The following CLYBL variants were observed in gnomAD, a reference collection of about 807,000 sequenced individuals.
CLYBL encodes citramalyl-CoA lyase, also known as citramalyl-CoA lyase, mitochondrial.
In CLYBL, 31 loss-of-function variants were observed where a neutral mutation model predicts 38.9. That is an observed-to-expected ratio of 0.80 (90% CI 0.60 to 1.08). CLYBL has a LOEUF of 1.08. Among genes scored for constraint, CLYBL ranks in the 50% least tolerant of loss-of-function variants. CLYBL has a pLI of 0.00. For synonymous variants in CLYBL, 171 were observed against 158.6 expected, an observed-to-expected ratio of 1.08 and a Z score of -0.59; for missense variants, 434 against 411.6, an observed-to-expected ratio of 1.05 and a Z score of -0.47.
intron 2 of CLYBL, among the ~76,000 whole-genome samples, chr13:99,804,571 G>A (rs1047423881): frequency 5.3e-5 from 8 of 152,056 alleles, no homozygotes; most frequent in African/African-American, 1.4e-4. Context: ...GAAGCGAAAG[G>A]CTCCCTGCCC....
chr13:99,634,951 C>T lies in CLYBL; in HGVS notation c.62+28194C>T, dbSNP rs546878642. 4.6e-5 allele frequency among the ~76,000 whole-genome samples: 7 copies of T among 152,248 alleles called. No individual in the cohort carries two copies. The East Asian group carries it at 7.8e-4, about 17-fold the overall frequency. On this transcript the variant is annotated intron_variant, in intron 1 of 8. Coordinates refer to ENST00000339105, the MANE Select transcript of CLYBL (RefSeq NM_206808.5). ...ATCCCCAGACGTCCCTGCTCATTCC[C>T]GGAGCGGCAGCTCCAGGAAGGCACA... is the stretch of plus-strand genomic sequence containing the variant.
intron 1 of CLYBL, among the ~76,000 whole-genome samples, chr13:99,726,999 A>G (rs1172528711): frequency 6.6e-6 from 1 of 152,082 alleles, no homozygotes; most frequent in South Asian, 2.1e-4. Context: ...TCTCTACTCA[A>G]AGTTCAAAAA....
At chr13:99,828,983 G>A (rs771259255) in intron 2 of CLYBL, among the ~76,000 whole-genome samples, 1 of 152,104 alleles carries the variant, frequency 6.6e-6, no homozygotes, top group East Asian at 1.9e-4. Context: ...ATGAACCCAC[G>A]GGATGTACTC....
intron 1 of CLYBL, among the ~76,000 whole-genome samples, chr13:99,761,155 C>T (rs998638749): frequency 1.3e-5 from 2 of 152,148 alleles, no homozygotes; most frequent in African/African-American, 2.4e-5. Flanking sequence ...AGATCAAGAC[C>T]ATCCTGGCTA....
chr13:99,849,019 A>G lies in CLYBL; in HGVS notation c.250-9842A>G, dbSNP rs555142595. Among the ~76,000 whole-genome samples, 1 of 152,114 alleles carries G rather than the reference A, an allele frequency of 6.6e-6. No individual in the cohort carries two copies. The highest frequency in any genetic ancestry group is 2.1e-4 in the South Asian group (1 of 4,812). On this transcript the variant is annotated intron_variant, in intron 2 of 8. Coordinates refer to ENST00000339105, the MANE Select transcript of CLYBL (RefSeq NM_206808.5). The surrounding 1 kb of genome is among the most constrained non-coding windows in gnomAD (Gnocchi z 4.9). ...CTGGGCGTGGTGGCAGTCACATGTAATCCCAGCTACTTGGGAGGCTGAGGC... is the reference window on the plus strand; with the variant it reads ...CTGGGCGTGGTGGCAGTCACATGTAGTCCCAGCTACTTGGGAGGCTGAGGC...
intron 2 of CLYBL, among the ~76,000 whole-genome samples, chr13:99,854,226 A>G (rs1343458423): frequency 2.0e-5 from 3 of 152,094 alleles, no homozygotes; most frequent in Non-Finnish European, 4.4e-5. Context: ...AAACAACTAT[A>G]CATTAACATT....
chr13:99,826,924 T>C (rs1773769143), intron 2 of CLYBL, among the ~76,000 whole-genome samples: 1 of 152,180 alleles, frequency 6.6e-6, no homozygotes, highest in African/African-American at 2.4e-5. Context: ...TAGGTGTCAA[T>C]GAAGGTGTCT....
At chr13:99,666,028 G>T (rs762806566) in intron 1 of CLYBL, among the ~76,000 whole-genome samples, 4 of 152,130 alleles carry the variant, frequency 2.6e-5, no homozygotes, top group Non-Finnish European at 5.9e-5. Flanking sequence ...CTTTACTGAG[G>T]GTTTCACTTG....
intron 1 of CLYBL, among the ~76,000 whole-genome samples, chr13:99,740,028 C>CT (rs1346884271): frequency 6.6e-6 from 1 of 152,106 alleles, no homozygotes; most frequent in East Asian, 1.9e-4. Flanking sequence ...TGAACAAAGA[C>CT]TATCATATCT....
intron 2 of CLYBL, among the ~76,000 whole-genome samples, chr13:99,855,148 C>T (rs1362835402): frequency 6.6e-6 from 1 of 151,286 alleles, no homozygotes; most frequent in African/African-American, 2.4e-5. Context: ...TCAGTCATTT[C>T]CAGCTTGTCA....
At chr13:99,809,832 C>T (rs1261181411) in intron 2 of CLYBL, among the ~76,000 whole-genome samples, 1 of 152,144 alleles carries the variant, frequency 6.6e-6, no homozygotes, top group Non-Finnish European at 1.5e-5. Context: ...GAAGACATGC[C>T]AGTCTGCCAG....
intron 3 of CLYBL, 141 bp from the exon 4 acceptor site, chr13:99,862,850 T>C (rs1411945632): frequency 2.3e-6 from 1 of 433,252 alleles, no homozygotes; most frequent in Non-Finnish European, 4.1e-6. Context: ...TCTTATTTTT[T>C]TAAAAAAATT....
chr13:99,743,558 C>A (rs1047953243), intron 1 of CLYBL, among the ~76,000 whole-genome samples: 1 of 152,106 alleles, frequency 6.6e-6, no homozygotes, highest in Non-Finnish European at 1.5e-5. Context: ...AAAATGTAGG[C>A]GCCATAACTG....
intron 1 of CLYBL, among the ~76,000 whole-genome samples, chr13:99,642,581 A>G (rs1016872984): frequency 5.3e-5 from 8 of 151,152 alleles, no homozygotes; most frequent in African/African-American, 1.9e-4. Context: ...GGCCTGGCTC[A>G]TTTTTTAATT....
intron 1 of CLYBL, among the ~76,000 whole-genome samples, chr13:99,659,359 C>G (rs2047377014): frequency 6.6e-6 from 1 of 152,126 alleles, no homozygotes; most frequent in South Asian, 2.1e-4. Context: ...TTCAAAAGTT[C>G]CGTTAAGTGG....
chr13:99,710,750 C>T (rs2048217231), intron 1 of CLYBL, among the ~76,000 whole-genome samples: 1 of 152,136 alleles, frequency 6.6e-6, no homozygotes, highest in African/African-American at 2.4e-5. Context: ...TTGTGGAATT[C>T]TTACCCATAG....
intron 7 of CLYBL, among the ~76,000 whole-genome samples, chr13:99,887,296 T>C (rs568222241): frequency 6.6e-6 from 1 of 152,202 alleles, no homozygotes; most frequent in African/African-American, 2.4e-5. Context: ...AGAACCCTTT[T>C]CAATCACCAG....
chr13:99,793,655 T>C (rs563031168), intron 2 of CLYBL, among the ~76,000 whole-genome samples: 5 of 152,310 alleles, frequency 3.3e-5, no homozygotes, highest in South Asian at 4.1e-4. Context: ...ATGCAAGGAT[T>C]CAAATATCTC....
chr13:99,751,772 G>C (rs1309593069), intron 1 of CLYBL, among the ~76,000 whole-genome samples: 1 of 152,162 alleles, frequency 6.6e-6, no homozygotes, highest in East Asian at 1.9e-4. Flanking sequence ...AATGTACTCA[G>C]TGTCACTGAA....
Sources: gnomAD v4.1 joint callset for allele counts (sites outside exome capture counted in the v4.1 genomes callset) on GRCh38, gnomAD v4.1.1 for gene constraint, Gnocchi (gnomAD v3.1) non-coding constraint, MANE v1.5 for transcripts, NCBI Gene and HGNC (gene_info 2026-07-23, HGNC 2026-07-21) for gene names.